CNTN5: variants seen among roughly 807,000 people sequenced by gnomAD.
CNTN5 encodes contactin 5.
CNTN5 carries 77 observed loss-of-function variants against 129.1 expected under a neutral mutation model. The observed-to-expected ratio is 0.60, with a 90% CI of 0.50 to 0.72. CNTN5 has a LOEUF of 0.72. Ranked by LOEUF, CNTN5 falls within the 30% of genes least tolerant of loss-of-function variation. The probability of loss-of-function intolerance (pLI) is 0.00; values close to 1 mark genes in which losing one functional copy is unlikely to be tolerated. For missense variants in CNTN5, 1,478 were observed against 1,328.8 expected, an observed-to-expected ratio of 1.11 and a Z score of -1.75; for synonymous variants, 509 against 465.6, an observed-to-expected ratio of 1.09 and a Z score of -1.20.
At chr11:99,167,580 T>C (rs1341482691) in intron 1 of CNTN5, among the ~76,000 whole-genome samples, 1 of 152,168 alleles carries the variant, frequency 6.6e-6, no homozygotes, top group African/African-American at 2.4e-5. Context: ...ATGCAAAATC[T>C]CATATGAGGC....
intron 2 of CNTN5, among the ~76,000 whole-genome samples, chr11:99,365,779 G>A (rs554033455): frequency 6.6e-6 from 1 of 152,054 alleles, no homozygotes; most frequent in African/African-American, 2.4e-5. Flanking sequence ...TTTAGTGAAT[G>A]GATATATTAT....
In CNTN5 at chr11:100,162,107, T is replaced by C. The variant is rs868106494; in HGVS notation, c.1581-29019T>C. On this transcript the variant is annotated intron_variant, in intron 13 of 24. Transcript: ENST00000524871. ...CTCAGGATCCAGACTCCTTGGACTC[T>C]CATTCTGGCTGCCTCACCTACTCCC... Among the ~76,000 whole-genome samples, 16 of 151,956 alleles carry C rather than the reference T, an allele frequency of 1.1e-4. 1 individual carries two copies. Among genetic ancestry groups the C allele is most frequent in the South Asian group, 4.1e-4 (2 of 4,820 alleles).
Position 100,138,482 on chromosome 11 carries a change from T to C in CNTN5, c.1581-52644T>C, listed in dbSNP as rs180802153. Among the ~76,000 whole-genome samples the C allele has an allele frequency of 1.3e-3, 202 of 151,948 alleles. 1 individual carries two copies. The highest frequency in any genetic ancestry group is 4.8e-3 in the African/African-American group (200 of 41,464). On this transcript the variant is annotated intron_variant, in intron 13 of 24. Coordinates refer to ENST00000524871, the MANE Select transcript of CNTN5 (RefSeq NM_014361.4). ...GTGTTAAGTGCAATGGAGAAAAAAA[T>C]AAATGGGTAAATGGAATAGAATGCC...
intron 1 of CNTN5, among the ~76,000 whole-genome samples, chr11:99,183,494 T>G (rs560266691): frequency 4.6e-5 from 7 of 152,224 alleles, no homozygotes; most frequent in South Asian, 4.1e-4. Flanking sequence ...CCATTAATCA[T>G]CCACTCCTCT....
chr11:100,115,714 A>T (rs1013182252), intron 13 of CNTN5, among the ~76,000 whole-genome samples: 1 of 152,072 alleles, frequency 6.6e-6, no homozygotes, highest in Non-Finnish European at 1.5e-5. Flanking sequence ...ATAATTTTTA[A>T]ATCATAAAAT....
At chr11:99,449,992 A>G (rs1944233219) in intron 2 of CNTN5, among the ~76,000 whole-genome samples, 1 of 152,108 alleles carries the variant, frequency 6.6e-6, no homozygotes, top group Non-Finnish European at 1.5e-5. Flanking sequence ...AACCCTTAAT[A>G]TTTTTTTGAT....
chr11:99,642,418 C>G (rs1023659691), intron 3 of CNTN5, among the ~76,000 whole-genome samples: 1 of 152,050 alleles, frequency 6.6e-6, no homozygotes. Flanking sequence ...TCCATATGTG[C>G]GAAATGCTGA....
intron 4 of CNTN5, among the ~76,000 whole-genome samples, chr11:99,833,105 G>T (rs886343265): frequency 1.3e-5 from 2 of 152,126 alleles, no homozygotes; most frequent in Non-Finnish European, 2.9e-5. Flanking sequence ...AAACCAAAAA[G>T]CAATCCTTTC....
intron 1 of CNTN5, among the ~76,000 whole-genome samples, chr11:99,287,794 GTC>G (rs948331179): frequency 6.6e-6 from 1 of 151,854 alleles, no homozygotes; most frequent in Non-Finnish European, 1.5e-5. Context: ...ACTAACTCAT[GTC>G]TCTCTAACAT....
At chr11:99,616,882 G>T (rs775727004) in intron 3 of CNTN5, among the ~76,000 whole-genome samples, 6 of 152,190 alleles carry the variant, frequency 3.9e-5, no homozygotes, top group Admixed American at 3.3e-4. Context: ...AGGCCGAGGC[G>T]GGTCGATGAC....
chr11:100,105,464 C>A (rs1361981527), intron 13 of CNTN5, among the ~76,000 whole-genome samples: 1 of 152,152 alleles, frequency 6.6e-6, no homozygotes, highest in African/African-American at 2.4e-5. Flanking sequence ...ACCTGTATAA[C>A]CACATGGGAA....
intron 2 of CNTN5, among the ~76,000 whole-genome samples, chr11:99,414,030 C>T (rs1942523172): frequency 6.6e-6 from 1 of 152,062 alleles, no homozygotes; most frequent in Non-Finnish European, 1.5e-5. Context: ...ATTTGTTCAA[C>T]AAATAGATAC....
At chr11:99,574,263 C>G (rs1280100509) in intron 3 of CNTN5, among the ~76,000 whole-genome samples, 1 of 152,196 alleles carries the variant, frequency 6.6e-6, no homozygotes, top group Non-Finnish European at 1.5e-5. Flanking sequence ...GCATAGTATT[C>G]CATGGTGTAT....
chr11:100,236,741 A>G (rs574122799), intron 16 of CNTN5, among the ~76,000 whole-genome samples: 1 of 152,274 alleles, frequency 6.6e-6, no homozygotes, highest in African/African-American at 2.4e-5. Context: ...GAAGCTATGC[A>G]GAGCCTTCTG....
chr11:99,395,961 T>G (rs921223990), intron 2 of CNTN5, among the ~76,000 whole-genome samples: 1 of 151,992 alleles, frequency 6.6e-6, no homozygotes, highest in Admixed American at 6.6e-5. Flanking sequence ...CAGTATAGTT[T>G]GAAGTCAGGT....
chr11:100,191,074 T>C, intron 13 of CNTN5, 52 bp from the exon 14 acceptor site: 1 of 1,308,216 alleles, frequency 7.6e-7, no homozygotes, highest in East Asian at 2.4e-5. Flanking sequence ...TTCTTACTAT[T>C]TAGCTGATTG....
intron 1 of CNTN5, among the ~76,000 whole-genome samples, chr11:99,084,533 A>T (rs1278230880): frequency 6.6e-6 from 1 of 152,160 alleles, no homozygotes; most frequent in African/African-American, 2.4e-5. Context: ...TTTTAACTTT[A>T]CATGTTATGT....
intron 21 of CNTN5, among the ~76,000 whole-genome samples, chr11:100,329,407 T>C (rs921883324): frequency 1.3e-5 from 2 of 152,228 alleles, no homozygotes; most frequent in African/African-American, 4.8e-5. Context: ...AGCCACTGCC[T>C]GAGAAACCTG....
At chr11:99,813,635 C>T (rs926188135) in intron 3 of CNTN5, among the ~76,000 whole-genome samples, 1 of 151,902 alleles carries the variant, frequency 6.6e-6, no homozygotes, top group Non-Finnish European at 1.5e-5. Flanking sequence ...TTAAAGGGTA[C>T]TTTAGATAGA....
Sources: allele counts gnomAD v4.1 joint callset (sites outside exome capture counted in the v4.1 genomes callset), GRCh38; gene constraint gnomAD v4.1.1; transcripts MANE v1.5; gene names NCBI Gene and HGNC (gene_info 2026-07-23, HGNC 2026-07-21).